ADCY9: variants seen among roughly 807,000 people sequenced by gnomAD.
ADCY9 encodes the protein adenylate cyclase 9.
ADCY9 carries 50 observed loss-of-function variants against 101.5 expected under a neutral mutation model. That is an observed-to-expected ratio of 0.49 (90% CI 0.39 to 0.62). The LOEUF is 0.62. Ranked by LOEUF, ADCY9 falls within the 20% of genes least tolerant of loss-of-function variation. ADCY9 has a pLI of 0.00. For missense variants in ADCY9, 1,662 were observed against 1,800.4 expected (o/e 0.92, Z 1.39); for synonymous variants, 905 against 769.3 (o/e 1.18, Z -2.92).
At chr16:4,034,263 C>T (rs1370469552) in intron 2 of ADCY9, among the ~76,000 whole-genome samples, 1 of 152,198 alleles carries the variant, frequency 6.6e-6, no homozygotes, top group Non-Finnish European at 1.5e-5. Context: ...CCCTTGTCAA[C>T]TTGGTGTCCA....
At position 4,035,764 on chromosome 16, in the gene ADCY9, C is replaced by T. The variant is rs112958447; in HGVS notation, c.1694-28206G>A. 2.3e-3 allele frequency among the ~76,000 whole-genome samples: 343 copies of T among 152,102 alleles called. 2 individuals are homozygous for T. Among genetic ancestry groups the T allele is most frequent in the Admixed American group, 4.5e-3 (68 of 15,264 alleles). On this transcript the variant is annotated intron_variant, in intron 2 of 10. Transcript: ENST00000294016. Reference sequence around the variant, plus strand: ...CTGGAATCCCAGCACTTTGGGATGCCGAGGCAGGCGGATCACCTGAGGTCG... The same window carrying T: ...CTGGAATCCCAGCACTTTGGGATGCTGAGGCAGGCGGATCACCTGAGGTCG...
intron 2 of ADCY9, among the ~76,000 whole-genome samples, chr16:4,018,266 T>A (rs1237122993): frequency 6.7e-6 from 1 of 148,528 alleles, no homozygotes; most frequent in Non-Finnish European, 1.5e-5. Context: ...CAGGCAGGAG[T>A]GCAGTGGCAT....
chr16:3,997,294 C>A (rs2056294757), intron 3 of ADCY9, among the ~76,000 whole-genome samples: 1 of 152,244 alleles, frequency 6.6e-6, no homozygotes, highest in Admixed American at 6.5e-5. Flanking sequence ...AACTTGGCAC[C>A]AGAGGGCACA....
At chr16:4,034,929 G>C (rs991698995) in intron 2 of ADCY9, among the ~76,000 whole-genome samples, 1 of 152,156 alleles carries the variant, frequency 6.6e-6, no homozygotes, top group African/African-American at 2.4e-5. Context: ...CCGCATACCA[G>C]GTACCAGGAA....
chr16:3,966,420 G>C lies in ADCY9; in HGVS notation c.3417C>G (p.Phe1139Leu), dbSNP rs771534758. 3.7e-6 allele frequency: 6 copies of C among 1,613,984 alleles called. No individual in the cohort carries two copies. Among genetic ancestry groups the C allele is most frequent in the African/African-American group, 1.3e-5 (1 of 74,928 alleles). ...SHPQEHLQIL[F>L]EFAKEMMRVV... The stretch of plus-strand genomic sequence containing the variant: ...CGCGCATCATCTCCTTGGCGAACTC[G>C]AACAGGATCTGCAGGTGCTCCTGCG... Residue 1139 changes from phenylalanine to leucine, a missense_variant, in exon 11 of 11, where the codon TTC becomes TTG. Around this residue, in one of 5 missense-constraint regions of ADCY9, gnomAD observed 220 missense variants for 312.9 expected, o/e 0.70. Coordinates refer to ENST00000294016, the MANE Select transcript of ADCY9 (RefSeq NM_001116.4).
chr16:3,988,497 T>TGTGGGGGATTCCCTTCCAGGGCAGGG (rs2056215103), intron 6 of ADCY9, among the ~76,000 whole-genome samples: 4 of 19,070 alleles, frequency 2.1e-4, no homozygotes, highest in Non-Finnish European at 2.9e-4. Flanking sequence ...CCAGGGCAGG[T>TGTGGGGGATTCCCTTCCAGGGCAGGG]GTGGGGGGTT....
At position 4,042,227 on chromosome 16, in the gene ADCY9, C is replaced by G. The variant is rs1488197252; in HGVS notation, c.1694-34669G>C. ...CGTGAGCCACGGCGCCCAGCTGACTCAGCTGTTTTTAAATTCTTTTGTAGA... is the reference window on the plus strand; with the variant it reads ...CGTGAGCCACGGCGCCCAGCTGACTGAGCTGTTTTTAAATTCTTTTGTAGA... On this transcript the variant is annotated intron_variant, in intron 2 of 10. Transcript: ENST00000294016. Among the ~76,000 whole-genome samples the G allele has an allele frequency of 2.0e-5, 3 of 152,000 alleles. No individual in the cohort carries two copies. The East Asian group carries it at 5.8e-4, about 29-fold the overall frequency.
chr16:3,975,133 C>G (rs140848015), intron 9 of ADCY9, among the ~76,000 whole-genome samples: 1 of 152,292 alleles, frequency 6.6e-6, no homozygotes, highest in East Asian at 1.9e-4. Flanking sequence ...AGCCCCGCAG[C>G]CATGACTAAA....
rs1012454212 is a variant in ADCY9, at chr16:4,052,626, C to T, written c.1694-45068G>A. 1.4e-4 allele frequency among the ~76,000 whole-genome samples: 21 copies of T among 152,212 alleles called. No homozygotes were observed. The East Asian group carries it at 1.5e-3, about 11-fold the overall frequency. On this transcript the variant is annotated intron_variant, in intron 2 of 10. Transcript: ENST00000294016. ...CCAAAACCCCCTCTATCACTCACTC[C>T]GCATTCCTAGATAACAACTAGTGTG...
Position 3,965,959 on chromosome 16 carries a change from A to G in ADCY9, c.3878T>C (p.Leu1293Pro). 1 of 1,614,062 alleles carries G rather than the reference A, an allele frequency of 6.2e-7. No homozygotes were observed. The highest frequency in any genetic ancestry group is 2.2e-5 in the East Asian group (1 of 44,880). ...PSVQYVDKTS[L>P]GSDSSTQAKD... Reference sequence around the variant, plus strand: ...GGCCTGCGTGCTGCTGTCAGAACCCAGAGATGTCTTGTCCACATACTGGAC... The same window carrying G: ...GGCCTGCGTGCTGCTGTCAGAACCCGGAGATGTCTTGTCCACATACTGGAC... The change falls in exon 11 of 11, where the codon CTG becomes CCG. Residue 1293 changes from leucine (L) to proline (P), a missense_variant. Physicochemically the swap from Leu to Pro is moderately conservative, Grantham distance 98. Transcript: ENST00000294016.
chr16:4,035,998 CAA>C (rs55792873), intron 2 of ADCY9, among the ~76,000 whole-genome samples: 2 of 23,166 alleles, frequency 8.6e-5, no homozygotes, highest in African/African-American at 1.6e-4. Flanking sequence ...AACTCCATCT[CAA>C]AAAAAAAAAA....
intron 2 of ADCY9, among the ~76,000 whole-genome samples, chr16:4,071,478 A>G (rs1790614250): frequency 6.6e-6 from 1 of 152,064 alleles, no homozygotes; most frequent in African/African-American, 2.4e-5. Context: ...CGTATGGTGG[A>G]TCACAATTCT....
chr16:4,062,668 A>T (rs905735985), intron 2 of ADCY9, among the ~76,000 whole-genome samples: 1 of 152,188 alleles, frequency 6.6e-6, no homozygotes, highest in Non-Finnish European at 1.5e-5. Flanking sequence ...TGACAGAGTG[A>T]TACCCTGTCT....
rs1162057606 is a variant in ADCY9 at position 3,965,754 on chromosome 16, G to C, written c.*21C>G. The C allele has an allele frequency of 5.7e-6, 9 of 1,590,252 alleles. No individual in the cohort carries two copies. Among genetic ancestry groups the C allele is most frequent in the Middle Eastern group, 1.7e-4 (1 of 5,952 alleles). On this transcript the variant is annotated 3_prime_UTR_variant, in exon 11 of 11. Transcript: ENST00000294016. ...TGTGTTTCGACAAACAGAGCACCTC[G>C]GGCAGCGGGTGGGCGCCGCCTCACA...
In ADCY9 at chr16:4,002,010, A is replaced by C. The variant is rs376756499; in HGVS notation, c.1884+5358T>G. 3.9e-3 allele frequency among the ~76,000 whole-genome samples: 594 copies of C among 152,176 alleles called. 3 individuals are homozygous for C. Among genetic ancestry groups the C allele is most frequent in the African/African-American group, 0.013 (558 of 41,510 alleles). ...GTGATCCATCTGCCTTGGCCTCCCA[A>C]AGTGCTGGGATTACAGGTGTGACCA... On this transcript the variant is annotated intron_variant, in intron 3 of 10. Transcript: ENST00000294016.
chr16:3,980,438 C>T (rs2056131609), intron 7 of ADCY9, among the ~76,000 whole-genome samples: 1 of 152,192 alleles, frequency 6.6e-6, no homozygotes, highest in Non-Finnish European at 1.5e-5. Flanking sequence ...GGGAGACAGT[C>T]CTTCTCTCAA....
chr16:4,057,742 G>A (rs986636500), intron 2 of ADCY9, among the ~76,000 whole-genome samples: 1 of 152,148 alleles, frequency 6.6e-6, no homozygotes. Flanking sequence ...GGAAGCGGAG[G>A]CCCGGGGAGC....
intron 2 of ADCY9, among the ~76,000 whole-genome samples, chr16:4,081,712 C>T (rs191483495): frequency 2.1e-5 from 3 of 142,836 alleles, no homozygotes; most frequent in Admixed American, 7.0e-5. Context: ...GGGAGGAGGG[C>T]GCTGTGTCTG....
intron 2 of ADCY9, among the ~76,000 whole-genome samples, chr16:4,055,249 G>C (rs2056729890): frequency 6.6e-6 from 1 of 152,136 alleles, no homozygotes; most frequent in East Asian, 1.9e-4. Flanking sequence ...GATGTCTTTT[G>C]GGGTCAGGCG....
Sources: gnomAD v4.1 joint callset for allele counts (sites outside exome capture counted in the v4.1 genomes callset) on GRCh38, gnomAD v4.1.1 for gene constraint, gnomAD v4.1.1 regional missense constraint, MANE v1.5 for transcripts, NCBI Gene and HGNC (gene_info 2026-07-23, HGNC 2026-07-21) for gene names.